Variants in AP4S1 observed in about 807,000 individuals in gnomAD.
AP4S1 encodes adaptor related protein complex 4 subunit sigma 1, also known as AP-4 complex subunit sigma-1.
AP4S1 carries 23 observed loss-of-function variants against 19.8 expected under a neutral mutation model. The observed-to-expected ratio is 1.16, with a 90% CI of 0.84 to 1.65. The LOEUF is 1.65. Ranked by LOEUF, AP4S1 falls within the 40% of genes most tolerant of loss-of-function variation. The pLI is 0.00. For synonymous variants in AP4S1, 46 were observed against 54.1 expected, an observed-to-expected ratio of 0.85 and a Z score of 0.66; for missense variants, 166 against 172.8, an observed-to-expected ratio of 0.96 and a Z score of 0.22.
chr14:31,045,599 T>C (rs1885351378), intron 1 of AP4S1, among the ~76,000 whole-genome samples: 1 of 152,196 alleles, frequency 6.6e-6, no homozygotes, highest in African/African-American at 2.4e-5. Flanking sequence ...TCAATTAAAC[T>C]ACTTTCTATT....
intron 1 of AP4S1, among the ~76,000 whole-genome samples, chr14:31,052,570 CA>C (rs763412525): frequency 6.6e-6 from 1 of 150,894 alleles, no homozygotes; most frequent in African/African-American, 2.4e-5. Flanking sequence ...ACTAAAAATA[CA>C]AAAAAAATTA....
chr14:31,080,535 C>CT, intron 4 of AP4S1, 38 bp from the exon 5 acceptor site: 1 of 1,552,776 alleles, frequency 6.4e-7, no homozygotes, highest in Non-Finnish European at 8.9e-7. Context: ...TCCCCAGTGT[C>CT]TTTTTTCTAA....
At position 31,092,882 on chromosome 14, in the gene AP4S1, A is replaced by G. The variant is rs752668261; in HGVS notation, c.307-25A>G. 6.8e-4 allele frequency: 994 copies of G among 1,460,400 alleles called. 1 individual carries two copies. The highest frequency in any genetic ancestry group is 8.6e-4 in the Non-Finnish European group (947 of 1,097,418). 90.5% of individuals were successfully genotyped at this position (1,460,400 alleles called of 1,614,324 possible). A position where few individuals can be genotyped will look rare whatever the true frequency, so the allele number is the denominator to read the frequency against. ...GAATGTTAATAATTTTTAACTTTAAACTAATTTCCTTAATATAACCGTAGA... is the reference window on the plus strand; with the variant it reads ...GAATGTTAATAATTTTTAACTTTAAGCTAATTTCCTTAATATAACCGTAGA... On this transcript the variant is annotated intron_variant, in intron 5 of 5. Transcript: ENST00000542754.
intron 1 of AP4S1, among the ~76,000 whole-genome samples, chr14:31,063,591 G>A (rs1172827301): frequency 6.6e-6 from 1 of 152,124 alleles, no homozygotes; most frequent in Admixed American, 6.6e-5. Context: ...CTGTACTCCA[G>A]CCTGGGCCAG....
chr14:31,044,003 A>G (rs771208934), intron 1 of AP4S1, among the ~76,000 whole-genome samples: 2 of 152,210 alleles, frequency 1.3e-5, no homozygotes, highest in Non-Finnish European at 2.9e-5. Context: ...AATAAATGAA[A>G]CAGTAGCTTA....
intron 1 of AP4S1, among the ~76,000 whole-genome samples, chr14:31,032,444 C>T (rs1276023795): frequency 6.6e-6 from 1 of 151,862 alleles, no homozygotes. Context: ...TCAGTTATTA[C>T]AATACCTGAT....
chr14:31,072,036 G>A (rs1887040769), intron 3 of AP4S1, among the ~76,000 whole-genome samples: 1 of 151,356 alleles, frequency 6.6e-6, no homozygotes, highest in Non-Finnish European at 1.5e-5. Flanking sequence ...ATCCTCCTAG[G>A]TTCAAGCAAT....
chr14:31,050,361 A>G (rs935582022), intron 1 of AP4S1, among the ~76,000 whole-genome samples: 2 of 152,116 alleles, frequency 1.3e-5, no homozygotes, highest in Non-Finnish European at 2.9e-5. Context: ...TGCCCGGCCT[A>G]TTTGTTTATT....
intron 4 of AP4S1, chr14:31,073,231 C>T (rs893469971): frequency 1.3e-5 from 5 of 390,470 alleles, no homozygotes; most frequent in Non-Finnish European, 2.4e-5. Flanking sequence ...TGGCTCACGC[C>T]TGTAATCCCA....
chr14:31,084,886 GC>G, intron 5 of AP4S1: 1 of 1,614,172 alleles, frequency 6.2e-7, no homozygotes, highest in Non-Finnish European at 8.5e-7. Context: ...CTACTGAATA[GC>G]CAGGGGAGGG....
At chr14:31,075,544 A>G (rs772053473) in intron 4 of AP4S1, among the ~76,000 whole-genome samples, 1 of 152,148 alleles carries the variant, frequency 6.6e-6, no homozygotes, top group Non-Finnish European at 1.5e-5. Context: ...ATATATACCT[A>G]ATCTACTTTC....
chr14:31,055,732 G>GTT (rs1007355808), intron 1 of AP4S1, among the ~76,000 whole-genome samples: 24 of 151,614 alleles, frequency 1.6e-4, no homozygotes, highest in Non-Finnish European at 1.5e-4. Context: ...TAGTGTTTGT[G>GTT]TGTGTATTAT....
chr14:31,034,326 CA>C (rs1048510039), intron 1 of AP4S1, among the ~76,000 whole-genome samples: 1 of 151,786 alleles, frequency 6.6e-6, no homozygotes, highest in East Asian at 1.9e-4. Flanking sequence ...ATTATCTTAA[CA>C]AAAAAAAGAC....
At position 31,084,519 on chromosome 14, in the gene AP4S1, T is replaced by C. The variant is rs149405360; in HGVS notation, c.306+3935T>C. ...GCTTGTTGAAAAGCCTTCCATTTAGTGGAAACCTCTGGTGCAGTGGTGTCA... is the reference window on the plus strand; with the variant it reads ...GCTTGTTGAAAAGCCTTCCATTTAGCGGAAACCTCTGGTGCAGTGGTGTCA... On this transcript the variant is annotated intron_variant, in intron 5 of 5. Transcript: ENST00000542754. 5.6e-3 allele frequency among the ~76,000 whole-genome samples: 859 copies of C among 152,332 alleles called. 6 individuals are homozygous for C. Among genetic ancestry groups the C allele is most frequent in the Middle Eastern group, 0.01 (3 of 294 alleles).
chr14:31,049,438 T>A (rs1488167565), intron 1 of AP4S1, among the ~76,000 whole-genome samples: 568 of 48,388 alleles, frequency 0.012, 2 homozygotes, highest in African/African-American at 0.016. Flanking sequence ...AATATATATA[T>A]ATATATATAT....
At chr14:31,053,067 A>G (rs1885896054) in intron 1 of AP4S1, among the ~76,000 whole-genome samples, 1 of 151,036 alleles carries the variant, frequency 6.6e-6, no homozygotes, top group African/African-American at 2.4e-5. Context: ...TAGCCTCCCA[A>G]GTAGCTGGGA....
In AP4S1 at chr14:31,025,755, G is replaced by A. The variant is rs922032493; in HGVS notation, c.-104G>A. 7 of 1,111,132 alleles carry A rather than the reference G, an allele frequency of 6.3e-6. No homozygotes were observed. Among genetic ancestry groups the A allele is most frequent in the Non-Finnish European group, 8.7e-6 (7 of 803,338 alleles). The allele number at this position is 1,111,132 out of a possible 1,614,324, so 68.8% of individuals were successfully genotyped here. On this transcript the variant is annotated 5_prime_UTR_variant, in exon 1 of 6. Transcript: ENST00000542754. ...AGGGAGGGGGACTCCAGGAAAAGCC[G>A]TTGAGAGGACCATCACAACCTGAGC...
chr14:31,075,705 G>C (rs1474079469), intron 4 of AP4S1, among the ~76,000 whole-genome samples: 2 of 151,006 alleles, frequency 1.3e-5, no homozygotes, highest in Admixed American at 1.3e-4. Flanking sequence ...CCTTTTTCTT[G>C]CCAGATGATA....
chr14:31,036,188 A>T (rs1884763424), intron 1 of AP4S1, among the ~76,000 whole-genome samples: 1 of 144,182 alleles, frequency 6.9e-6, no homozygotes, highest in African/African-American at 2.7e-5. Context: ...AAAAAGAAAA[A>T]AATAATAATT....
Sources: gnomAD v4.1 joint callset for allele counts (sites outside exome capture counted in the v4.1 genomes callset) on GRCh38, gnomAD v4.1.1 for gene constraint, MANE v1.5 for transcripts, NCBI Gene and HGNC (gene_info 2026-07-23, HGNC 2026-07-21) for gene names.